The following CILK1 variants were observed in gnomAD, a reference collection of about 807,000 sequenced individuals.
CILK1 encodes ciliogenesis associated kinase 1.
Under a neutral mutation model 79.2 loss-of-function variants are expected in CILK1, and 47 were observed. The observed-to-expected ratio is 0.59, with a 90% CI of 0.47 to 0.76. The LOEUF (loss-of-function observed/expected upper bound fraction) is 0.76. Ranked by LOEUF, CILK1 falls within the 30% of genes least tolerant of loss-of-function variation. The pLI, the probability that CILK1 is intolerant of heterozygous loss-of-function variation, is 0.00. For missense variants in CILK1, 660 were observed against 769.5 expected, an observed-to-expected ratio of 0.86 and a Z score of 1.68; for synonymous variants, 266 against 275.9, an observed-to-expected ratio of 0.96 and a Z score of 0.36.
intron 1 of CILK1, among the ~76,000 whole-genome samples, chr6:53,054,926 G>C (rs1767745780): frequency 6.6e-6 from 1 of 152,166 alleles, no homozygotes; most frequent in Admixed American, 6.6e-5. Context: ...AAAAATGGAG[G>C]CGAGGGGCAG....
intron 6 of CILK1, among the ~76,000 whole-genome samples, chr6:53,018,953 T>A (rs1765055609): frequency 6.6e-6 from 1 of 152,222 alleles, no homozygotes; most frequent in Admixed American, 6.5e-5. Flanking sequence ...TGCAGAATAT[T>A]TTACATAATT....
intron 1 of CILK1, among the ~76,000 whole-genome samples, chr6:53,050,395 T>C (rs1225104447): frequency 6.6e-6 from 1 of 151,964 alleles, no homozygotes; most frequent in Non-Finnish European, 1.5e-5. Context: ...TATTATCTTT[T>C]CTATGGTTGT....
intron 1 of CILK1, 96 bp downstream of exon 1, chr6:53,061,500 G>A (rs543847306): frequency 7.2e-5 from 11 of 152,478 alleles, no homozygotes; most frequent in African/African-American, 2.6e-4. Flanking sequence ...TCCGTCGCGG[G>A]GCCACGGCCA....
In CILK1 at chr6:53,040,983, G is replaced by T. The variant is rs13210249; in HGVS notation, c.101+153C>A. Among the ~76,000 whole-genome samples the T allele has an allele frequency of 0.037, 5,689 of 152,248 alleles. 192 individuals carry two copies. Among genetic ancestry groups the T allele is most frequent in the Non-Finnish European group, 0.048 (3,255 of 68,012 alleles). ...AAATGTTTTCAGACCTCTAACATGA[G>T]TGTTACAGAGTCAATAATCATCTAA... is the stretch of plus-strand genomic sequence containing the variant. On this transcript the variant is annotated intron_variant, in intron 2 of 13. Coordinates refer to ENST00000676107, the MANE Select transcript of CILK1 (RefSeq NM_014920.5).
At chr6:53,041,111 C>T in intron 2 of CILK1, 25 bp downstream of exon 2, 1 of 1,452,062 alleles carries the variant, frequency 6.9e-7, no homozygotes, top group Non-Finnish European at 9.7e-7. Context: ...TTAAAATTAT[C>T]ATGGCAGTGA....
chr6:53,034,663 G>A (rs899424217), intron 3 of CILK1, among the ~76,000 whole-genome samples: 1 of 152,298 alleles, frequency 6.6e-6, no homozygotes, highest in South Asian at 2.1e-4. Context: ...AGGGTATCCT[G>A]GGGCTTAAGA....
At position 53,013,723 on chromosome 6, in the gene CILK1, A is replaced by T; in HGVS notation, c.1091T>A (p.Leu364His). The part of the protein sequence containing the change: ...EVSRTDHPSH[L>H]QEDKPSPLLF... Reference sequence around the variant, plus strand: ...CAACGGGCTTGGCTTGTCCTCCTGGAGATGGCTTGGGTGATCTGTCCTGGA... The same window carrying T: ...CAACGGGCTTGGCTTGTCCTCCTGGTGATGGCTTGGGTGATCTGTCCTGGA... Residue 364 changes from leucine to histidine, a missense_variant, in exon 9 of 14, where the codon CTC becomes CAC. Leu to His is a moderately conservative substitution (Grantham distance 99, BLOSUM62 -3). Coordinates refer to ENST00000676107, the MANE Select transcript of CILK1 (RefSeq NM_014920.5). 6.2e-7 allele frequency: 1 copy of T among 1,614,134 alleles called. No homozygotes were observed.
chr6:53,046,132 C>A (rs1233537367), intron 1 of CILK1, among the ~76,000 whole-genome samples: 1 of 152,186 alleles, frequency 6.6e-6, no homozygotes, highest in Non-Finnish European at 1.5e-5. Flanking sequence ...CCTTCTCCTG[C>A]CTTAATTACA....
At chr6:53,047,580 G>C (rs1581757800) in intron 1 of CILK1, among the ~76,000 whole-genome samples, 1 of 147,872 alleles carries the variant, frequency 6.8e-6, no homozygotes, top group East Asian at 2.0e-4. Flanking sequence ...CAAAGTGCTA[G>C]GATTACAGGC....
chr6:53,054,088 A>G (rs1002626603), intron 1 of CILK1, among the ~76,000 whole-genome samples: 7 of 152,182 alleles, frequency 4.6e-5, no homozygotes, highest in Non-Finnish European at 8.8e-5. Context: ...TGTATGCTAC[A>G]CACCTTTCTT....
chr6:53,017,865 C>G (rs1168730900), intron 7 of CILK1, among the ~76,000 whole-genome samples: 1 of 152,052 alleles, frequency 6.6e-6, no homozygotes, highest in Non-Finnish European at 1.5e-5. Context: ...ATGATCAGAC[C>G]ACAAATGAAA....
chr6:53,050,593 A>G (rs1767414634), intron 1 of CILK1, among the ~76,000 whole-genome samples: 3 of 152,072 alleles, frequency 2.0e-5, no homozygotes, highest in African/African-American at 7.2e-5. Flanking sequence ...TGGGAGGCCC[A>G]GGTGAGCATG....
chr6:53,039,889 C>T (rs1327473409), intron 2 of CILK1, among the ~76,000 whole-genome samples: 1 of 151,958 alleles, frequency 6.6e-6, no homozygotes, highest in East Asian at 1.9e-4. Context: ...TGGGAATATA[C>T]AGAAGTAGGT....
In CILK1 at chr6:53,004,532, G is replaced by A. The variant is rs2127396639; in HGVS notation, c.*617C>T. 1 of 152,486 alleles carries A rather than the reference G, an allele frequency of 6.6e-6. No individual in the cohort carries two copies. Among genetic ancestry groups the A allele is most frequent in the South Asian group, 2.1e-4 (1 of 4,818 alleles). 9.4% of individuals were successfully genotyped at this position (152,486 alleles called of 1,614,324 possible). ...CTGGGGAACAAAAGTAAAACAAAGTGAATTATATAATATAATAGTCCTTTT... is the reference window on the plus strand; with the variant it reads ...CTGGGGAACAAAAGTAAAACAAAGTAAATTATATAATATAATAGTCCTTTT... On this transcript the variant is annotated 3_prime_UTR_variant, in exon 14 of 14. Coordinates refer to ENST00000676107, the MANE Select transcript of CILK1 (RefSeq NM_014920.5).
intron 1 of CILK1, among the ~76,000 whole-genome samples, chr6:53,043,530 G>T (rs1049322649): frequency 1.3e-5 from 2 of 151,974 alleles, no homozygotes; most frequent in Non-Finnish European, 2.9e-5. Context: ...CCACTGTAAG[G>T]CCTCTGGTTG....
chr6:53,050,091 A>G (rs777737568), intron 1 of CILK1, among the ~76,000 whole-genome samples: 83 of 152,310 alleles, frequency 5.4e-4, no homozygotes, highest in Admixed American at 1.8e-3. Flanking sequence ...TAATGTTAAT[A>G]CATCCTTCTT....
intron 5 of CILK1, among the ~76,000 whole-genome samples, chr6:53,026,412 GT>G (rs1765581071): frequency 6.6e-6 from 1 of 152,188 alleles, no homozygotes; most frequent in Non-Finnish European, 1.5e-5. Context: ...GCTTCCCAAA[GT>G]GCTGGGATTA....
intron 5 of CILK1, among the ~76,000 whole-genome samples, chr6:53,028,961 G>GTA (rs143617469): frequency 7.1e-4 from 108 of 151,194 alleles, no homozygotes; most frequent in South Asian, 1.0e-3. Flanking sequence ...GTGTGTGTGT[G>GTA]TATATATATA....
At chr6:53,010,474 G>GT (rs1453383551) in intron 11 of CILK1, among the ~76,000 whole-genome samples, 2 of 152,150 alleles carry the variant, frequency 1.3e-5, no homozygotes, top group Admixed American at 1.3e-4. Context: ...CACTCCTTCA[G>GT]TTAAAACCCT....
Sources: gnomAD v4.1 joint callset for allele counts (sites outside exome capture counted in the v4.1 genomes callset) on GRCh38, gnomAD v4.1.1 for gene constraint, MANE v1.5 for transcripts, NCBI Gene and HGNC (gene_info 2026-07-23, HGNC 2026-07-21) for gene names.